Variants in TCF12 observed in about 807,000 individuals in gnomAD.
TCF12 encodes DNA-binding protein HTF4.
In TCF12, 45 loss-of-function variants were observed where a neutral mutation model predicts 86.0. That is an observed-to-expected ratio of 0.52 (90% CI 0.41 to 0.67). The LOEUF is 0.67. Ranked by LOEUF, TCF12 falls within the 30% of genes least tolerant of loss-of-function variation. TCF12 has a pLI of 0.00. For missense variants in TCF12, 881 were observed against 859.9 expected, an observed-to-expected ratio of 1.02 and a Z score of -0.31; for synonymous variants, 330 against 299.6, an observed-to-expected ratio of 1.10 and a Z score of -1.05.
At chr15:57,212,342 G>T (rs2058147061) in intron 8 of TCF12, among the ~76,000 whole-genome samples, 1 of 152,088 alleles carries the variant, frequency 6.6e-6, no homozygotes, top group Non-Finnish European at 1.5e-5. Context: ...AGAGTACAGT[G>T]GCACAATCAT....
At chr15:57,048,036 C>T (rs2067349651) in intron 3 of TCF12, among the ~76,000 whole-genome samples, 1 of 152,254 alleles carries the variant, frequency 6.6e-6, no homozygotes, top group East Asian at 1.9e-4. Context: ...TCTTCTGGGA[C>T]CACTGTCATA....
At chr15:57,010,602 T>A (rs1249512719) in intron 3 of TCF12, among the ~76,000 whole-genome samples, 2 of 152,178 alleles carry the variant, frequency 1.3e-5, no homozygotes, top group African/African-American at 4.8e-5. Flanking sequence ...GGTACTTTTT[T>A]ATGAAGGGAA....
At chr15:57,187,708 G>T (rs192186902) in intron 6 of TCF12, among the ~76,000 whole-genome samples, 333 of 152,130 alleles carry the variant, frequency 2.2e-3, no homozygotes, top group Non-Finnish European at 3.8e-3. Flanking sequence ...GAGGTGGGTG[G>T]ATCATGAGGA....
At chr15:57,149,341 A>G (rs2053584038) in intron 5 of TCF12, among the ~76,000 whole-genome samples, 1 of 152,248 alleles carries the variant, frequency 6.6e-6, no homozygotes, top group Non-Finnish European at 1.5e-5. Context: ...AACTGGTCAC[A>G]ACATGCCAAA....
intron 5 of TCF12, among the ~76,000 whole-genome samples, chr15:57,147,608 G>A (rs562262152): frequency 6.6e-6 from 1 of 152,210 alleles, no homozygotes; most frequent in African/African-American, 2.4e-5. Flanking sequence ...CTATAAAGGT[G>A]CAGTTAAATC....
At position 57,253,267 on chromosome 15, in the gene TCF12, T is replaced by G; in HGVS notation, c.1266T>G (p.Ser422=). 1 of 1,613,918 alleles carries G rather than the reference T, an allele frequency of 6.2e-7. No homozygotes were observed. Among genetic ancestry groups the G allele is most frequent in the Non-Finnish European group, 8.5e-7 (1 of 1,179,894 alleles). The change falls in exon 16 of 21, where the codon TCT becomes TCG. Residue 422 remains serine, a synonymous_variant. Transcript: ENST00000333725. ...TTTTTTTTTAATCCATACAGCAGTC[T>G]CGAATGGAGGATCGTTTAGACAGAC... ...MSFLKDVCEQ[S]RMEDRLDRLD...
intron 12 of TCF12, among the ~76,000 whole-genome samples, chr15:57,237,773 CTG>C (rs1305648437): frequency 6.6e-6 from 1 of 152,090 alleles, no homozygotes; most frequent in African/African-American, 2.4e-5. Flanking sequence ...CAAATAAAGC[CTG>C]TGTTTAGAAG....
intron 12 of TCF12, among the ~76,000 whole-genome samples, chr15:57,237,097 T>A (rs1322974986): frequency 1.3e-5 from 2 of 152,076 alleles, no homozygotes. Flanking sequence ...TTCTTTGTGA[T>A]AATTTATGTT....
intron 8 of TCF12, among the ~76,000 whole-genome samples, chr15:57,211,199 G>C (rs1198634146): frequency 6.6e-6 from 1 of 152,224 alleles, no homozygotes; most frequent in Non-Finnish European, 1.5e-5. Flanking sequence ...AGTTAGGTAA[G>C]AGTTGTTATC....
intron 5 of TCF12, among the ~76,000 whole-genome samples, chr15:57,139,464 G>T (rs2052796032): frequency 6.6e-6 from 1 of 152,138 alleles, no homozygotes; most frequent in South Asian, 2.1e-4. Context: ...ATAATTGGGA[G>T]CAGAAGACAG....
At chr15:57,277,800 G>A (rs573055980) in intron 19 of TCF12, among the ~76,000 whole-genome samples, 8 of 151,874 alleles carry the variant, frequency 5.3e-5, no homozygotes, top group Admixed American at 4.6e-4. Flanking sequence ...TTAGCTGGAT[G>A]TCTTGGCTCA....
At chr15:57,214,256 T>C (rs2058241832) in intron 8 of TCF12, 2 of 152,228 alleles carry the variant, frequency 1.3e-5, no homozygotes, top group Non-Finnish European at 2.9e-5. Context: ...AGTAATTATA[T>C]AGTTCTGTCT....
chr15:57,200,228 A>G (rs527649543), intron 8 of TCF12, among the ~76,000 whole-genome samples: 59 of 152,226 alleles, frequency 3.9e-4, no homozygotes, highest in African/African-American at 1.3e-3. Flanking sequence ...TTAAAGACAG[A>G]TATTTTTCCC....
intron 3 of TCF12, among the ~76,000 whole-genome samples, chr15:57,025,426 A>G (rs1374462104): frequency 6.6e-6 from 1 of 151,742 alleles, no homozygotes; most frequent in African/African-American, 2.4e-5. Context: ...TCTTTGGGGC[A>G]CTCCTGCTTG....
At chr15:57,057,367 AG>A (rs1247556239) in intron 3 of TCF12, among the ~76,000 whole-genome samples, 1 of 152,042 alleles carries the variant, frequency 6.6e-6, no homozygotes, top group Non-Finnish European at 1.5e-5. Context: ...TAGTTACTAG[AG>A]GTTATTGCTG....
At chr15:57,054,120 A>C (rs2067822300) in intron 3 of TCF12, among the ~76,000 whole-genome samples, 1 of 152,216 alleles carries the variant, frequency 6.6e-6, no homozygotes, top group Non-Finnish European at 1.5e-5. Flanking sequence ...GAAAATTTTT[A>C]GAGTTCCTCT....
At chr15:56,924,014 T>C (rs1424604479) in intron 3 of TCF12, among the ~76,000 whole-genome samples, 1 of 152,120 alleles carries the variant, frequency 6.6e-6, no homozygotes, top group Non-Finnish European at 1.5e-5. Context: ...CAGTTACTGA[T>C]CTTTTTTTGT....
At chr15:57,199,892 G>T (rs1312925302) in intron 8 of TCF12, among the ~76,000 whole-genome samples, 4 of 151,720 alleles carry the variant, frequency 2.6e-5, no homozygotes, top group Non-Finnish European at 4.4e-5. Flanking sequence ...TTTTATTTTG[G>T]TTTTTTTGAG....
At chr15:57,179,418 G>A (rs1349231841) in intron 6 of TCF12, among the ~76,000 whole-genome samples, 4 of 152,278 alleles carry the variant, frequency 2.6e-5, no homozygotes, top group South Asian at 2.1e-4. Context: ...AACCCAGGAG[G>A]TGGAGGCTGC....
Sources: gnomAD v4.1 joint callset for allele counts (sites outside exome capture counted in the v4.1 genomes callset) on GRCh38, gnomAD v4.1.1 for gene constraint, MANE v1.5 for transcripts, NCBI Gene and HGNC (gene_info 2026-07-23, HGNC 2026-07-21) for gene names.